RPS6KC1: variants seen among roughly 807,000 people sequenced by gnomAD.
RPS6KC1 encodes the protein ribosomal protein S6 kinase C1.
Under a neutral mutation model 103.8 loss-of-function variants are expected in RPS6KC1, and 54 were observed. That is an observed-to-expected ratio of 0.52 (90% CI 0.42 to 0.65). The LOEUF is 0.65. RPS6KC1 is among the 30% of genes least tolerant of loss of function. The probability of loss-of-function intolerance (pLI) is 0.00; values close to 1 mark genes in which losing one functional copy is unlikely to be tolerated. For synonymous variants in RPS6KC1, 439 were observed against 438.7 expected (o/e 1.00, Z -0.01); for missense variants, 1,151 against 1,253.8 (o/e 0.92, Z 1.24).
chr1:213,562,386 T>G, the RPS6KC1 span, among the ~76,000 whole-genome samples: 1 of 92,390 alleles, frequency 1.1e-5, no homozygotes, highest in African/African-American at 4.9e-5. Context: ...TTTTTTTTTT[T>G]TTTTTTTTTT....
At chr1:213,687,862 C>T in the RPS6KC1 span, among the ~76,000 whole-genome samples, 9 of 152,128 alleles carry the variant, frequency 5.9e-5, no homozygotes, top group African/African-American at 7.2e-5. Context: ...GCTTAGTGGT[C>T]GCTCTTTGAA....
chr1:213,557,785 A>AG, the RPS6KC1 span, among the ~76,000 whole-genome samples: 3 of 152,172 alleles, frequency 2.0e-5, no homozygotes, highest in Non-Finnish European at 4.4e-5. Flanking sequence ...CAGAGGACAA[A>AG]GGCAGTGGAG....
At chr1:213,586,969 T>TC in the RPS6KC1 span, among the ~76,000 whole-genome samples, 1 of 152,222 alleles carries the variant, frequency 6.6e-6, no homozygotes, top group South Asian at 2.1e-4. Context: ...TGTGCCCTAA[T>TC]CCCCCACGCA....
chr1:213,556,691 C>T, the RPS6KC1 span, among the ~76,000 whole-genome samples: 1 of 152,210 alleles, frequency 6.6e-6, no homozygotes, highest in East Asian at 1.9e-4. Context: ...AGGCATCAGA[C>T]ATTATCATCA....
chr1:213,507,569 C>A, the RPS6KC1 span, among the ~76,000 whole-genome samples: 2 of 141,256 alleles, frequency 1.4e-5, no homozygotes, highest in Non-Finnish European at 3.1e-5. Flanking sequence ...TTTTTTTTAA[C>A]CTGTGAAGCA....
At chr1:213,121,628 C>A (rs1402172544) in intron 5 of RPS6KC1, among the ~76,000 whole-genome samples, 1 of 152,152 alleles carries the variant, frequency 6.6e-6, no homozygotes, top group East Asian at 1.9e-4. Context: ...TGACATATTT[C>A]TCTCACCTGT....
chr1:213,758,716 G>A, the RPS6KC1 span, among the ~76,000 whole-genome samples: 2 of 152,204 alleles, frequency 1.3e-5, no homozygotes, highest in Non-Finnish European at 2.9e-5. Flanking sequence ...GGAAGTAACA[G>A]CAGATGTGAA....
downstream of RPS6KC1, among the ~76,000 whole-genome samples, chr1:213,276,623 AGGTTAATGAAAGTCTTAAATT>A (rs1454454361): frequency 6.6e-6 from 1 of 152,228 alleles, no homozygotes; most frequent in African/African-American, 2.4e-5. Context: ...AGGAAAGGCA[AGGTTAATGAAAGTCTTAAATT>A]GGTACTTAAC....
At chr1:213,366,862 A>G in the RPS6KC1 span, among the ~76,000 whole-genome samples, 1 of 152,198 alleles carries the variant, frequency 6.6e-6, no homozygotes, top group Non-Finnish European at 1.5e-5. Flanking sequence ...CTCAGCCAAA[A>G]TCTGTCTTTC....
chr1:213,062,887 A>G (rs2077978430), intron 1 of RPS6KC1, among the ~76,000 whole-genome samples: 1 of 152,188 alleles, frequency 6.6e-6, no homozygotes, highest in Non-Finnish European at 1.5e-5. Flanking sequence ...TTAAGGAAAC[A>G]TGGTAATATT....
At chr1:213,370,326 T>C in the RPS6KC1 span, among the ~76,000 whole-genome samples, 4 of 151,724 alleles carry the variant, frequency 2.6e-5, no homozygotes, top group Non-Finnish European at 1.5e-5. Context: ...GATACATCTT[T>C]AAGAACATGA....
the RPS6KC1 span, among the ~76,000 whole-genome samples, chr1:213,597,363 G>A: frequency 6.6e-6 from 1 of 152,184 alleles, no homozygotes; most frequent in South Asian, 2.1e-4. Context: ...ATGGGTTTGG[G>A]CCATGTCCGC....
chr1:213,116,323 C>CT (rs2083606502), intron 4 of RPS6KC1, among the ~76,000 whole-genome samples: 3 of 147,698 alleles, frequency 2.0e-5, no homozygotes. Flanking sequence ...TTCTTTGTCT[C>CT]TTTTGGTCTT....
At chr1:213,181,104 A>G (rs1452500509) in intron 8 of RPS6KC1, among the ~76,000 whole-genome samples, 2 of 152,150 alleles carry the variant, frequency 1.3e-5, no homozygotes, top group Non-Finnish European at 2.9e-5. Context: ...GGGTAAGGGG[A>G]ACATTGATGA....
chr1:213,576,376 T>TTG, the RPS6KC1 span, among the ~76,000 whole-genome samples: 2 of 151,434 alleles, frequency 1.3e-5, no homozygotes, highest in Admixed American at 6.6e-5. Flanking sequence ...TGTGGGTTTT[T>TTG]TTTTTTTTTT....
At chr1:213,716,161 A>C in the RPS6KC1 span, among the ~76,000 whole-genome samples, 1 of 152,226 alleles carries the variant, frequency 6.6e-6, no homozygotes, top group Non-Finnish European at 1.5e-5. Context: ...GTTTATTTAA[A>C]TAGGAGTTTC....
chr1:213,289,810 C>T, the RPS6KC1 span, among the ~76,000 whole-genome samples: 2 of 152,064 alleles, frequency 1.3e-5, no homozygotes, highest in Admixed American at 1.3e-4. Context: ...GAGGGCGAGG[C>T]GGGTGGATCA....
chr1:213,117,210 G>T, intron 4 of RPS6KC1, 107 bp from the exon 5 acceptor site: 1 of 622,664 alleles, frequency 1.6e-6, no homozygotes, highest in Non-Finnish European at 2.8e-6. Flanking sequence ...GATTAGTATA[G>T]TCGTTTCTGT....
the RPS6KC1 span, among the ~76,000 whole-genome samples, chr1:213,853,755 G>T: frequency 1.3e-5 from 2 of 152,212 alleles, no homozygotes; most frequent in African/African-American, 4.8e-5. Context: ...GGGGATTCAG[G>T]TTGGATTGAT....
Sources: allele counts gnomAD v4.1 joint callset (sites outside exome capture counted in the v4.1 genomes callset), GRCh38; gene constraint gnomAD v4.1.1; transcripts MANE v1.5; gene names NCBI Gene and HGNC (gene_info 2026-07-23, HGNC 2026-07-21).